CISD2: variants seen among roughly 807,000 people sequenced by gnomAD.
CISD2 encodes CDGSH iron sulfur domain 2.
A neutral mutation model predicts 12.9 loss-of-function variants in CISD2; 1 was observed. The ratio of observed to expected loss-of-function variants is 0.08; its 90% CI spans 0.03 to 0.37. CISD2 has a LOEUF of 0.37. Ranked by LOEUF, CISD2 falls within the 10% of genes least tolerant of loss-of-function variation. The pLI is 0.99. For synonymous variants in CISD2, 50 were observed against 60.6 expected, an observed-to-expected ratio of 0.83 and a Z score of 0.81; for missense variants, 97 against 163.1, an observed-to-expected ratio of 0.59 and a Z score of 2.21.
At position 102,887,436 on chromosome 4, in the gene CISD2, A is replaced by G; in HGVS notation, c.*6A>G. 1 of 925,302 alleles carries G rather than the reference A, an allele frequency of 1.1e-6. No homozygotes were observed. Among genetic ancestry groups the G allele is most frequent in the Non-Finnish European group, 1.7e-6 (1 of 574,920 alleles). 57.3% of individuals were successfully genotyped at this position (925,302 alleles called of 1,614,324 possible). A position where few individuals can be genotyped will look rare whatever the true frequency, so the allele number is the denominator to read the frequency against. On this transcript the variant is annotated 3_prime_UTR_variant, in exon 3 of 3. Coordinates refer to ENST00000273986, the MANE Select transcript of CISD2 (RefSeq NM_001008388.5). Reference sequence around the variant, plus strand: ...TGAAGAAGAAAGAAGTATAATAATAATAACAATATTTTCTCATTCTTTGTG... The same window carrying G: ...TGAAGAAGAAAGAAGTATAATAATAGTAACAATATTTTCTCATTCTTTGTG...
intron 1 of CISD2, among the ~76,000 whole-genome samples, chr4:102,877,552 A>G (rs1248225934): frequency 1.3e-5 from 2 of 152,118 alleles, no homozygotes; most frequent in Non-Finnish European, 2.9e-5. Flanking sequence ...TGTTAGATAT[A>G]CCATTCTGGG....
intron 1 of CISD2, among the ~76,000 whole-genome samples, chr4:102,879,755 G>C (rs1016650034): frequency 1.3e-4 from 20 of 152,046 alleles, no homozygotes; most frequent in Non-Finnish European, 2.8e-4. Context: ...TTGGGCGACA[G>C]AGCGAGACTC....
intron 1 of CISD2, among the ~76,000 whole-genome samples, chr4:102,870,207 G>A (rs1366964963): frequency 6.6e-6 from 1 of 152,184 alleles, no homozygotes; most frequent in African/African-American, 2.4e-5. Flanking sequence ...CAGCTGTCTG[G>A]TAGAAGAAAA....
chr4:102,878,014 C>T (rs1733630510), intron 1 of CISD2, among the ~76,000 whole-genome samples: 2 of 152,312 alleles, frequency 1.3e-5, no homozygotes, highest in African/African-American at 4.8e-5. Flanking sequence ...AGACCTCTGA[C>T]ATGTCCTGGA....
chr4:102,878,648 C>T lies in CISD2; in HGVS notation c.104-6568C>T, dbSNP rs78150662. Reference sequence around the variant, plus strand: ...AGTTCCTCATCTCCAGCTGAGACCACGTCAGCCTGGATGTTATTGTCCATA... The same window carrying T: ...AGTTCCTCATCTCCAGCTGAGACCATGTCAGCCTGGATGTTATTGTCCATA... On this transcript the variant is annotated intron_variant, in intron 1 of 2. Coordinates refer to ENST00000273986, the MANE Select transcript of CISD2 (RefSeq NM_001008388.5). 4.3e-3 allele frequency among the ~76,000 whole-genome samples: 656 copies of T among 152,302 alleles called. 3 individuals carry two copies. The highest frequency in any genetic ancestry group is 0.012 in the African/African-American group (481 of 41,568).
Position 102,874,957 on chromosome 4 carries a change from T to G in CISD2, c.103+5770T>G, listed in dbSNP as rs553338605. Among the ~76,000 whole-genome samples, 4 of 152,366 alleles carry G rather than the reference T, an allele frequency of 2.6e-5. No homozygotes were observed. In the South Asian group the frequency reaches 8.3e-4, roughly 32 times the overall value. ...TCTTCCATCTGATACCAGAGTGACT[T>G]CATAGGTGAACAATTTCCTAGTTAG... On this transcript the variant is annotated intron_variant, in intron 1 of 2. Coordinates refer to ENST00000273986, the MANE Select transcript of CISD2 (RefSeq NM_001008388.5).
intron 1 of CISD2, among the ~76,000 whole-genome samples, chr4:102,884,880 A>G (rs963951358): frequency 2.6e-5 from 4 of 152,244 alleles, no homozygotes; most frequent in Non-Finnish European, 4.4e-5. Context: ...TAAAATATAC[A>G]TTGAATTTTG....
intron 1 of CISD2, among the ~76,000 whole-genome samples, chr4:102,879,995 T>G (rs1733677853): frequency 6.6e-6 from 1 of 152,018 alleles, no homozygotes. Flanking sequence ...CAGGCTGGAG[T>G]GCAGTGGTGA....
At chr4:102,880,199 C>T (rs1048882360) in intron 1 of CISD2, among the ~76,000 whole-genome samples, 29 of 152,304 alleles carry the variant, frequency 1.9e-4, no homozygotes, top group African/African-American at 7.0e-4. Flanking sequence ...CCACCTCAGC[C>T]TCCCTTAGTG....
At chr4:102,869,886 C>T (rs564228296) in intron 1 of CISD2, among the ~76,000 whole-genome samples, 1 of 152,282 alleles carries the variant, frequency 6.6e-6, no homozygotes, top group East Asian at 1.9e-4. Context: ...ATGTAACGTT[C>T]TATACTTAAG....
chr4:102,874,265 G>T (rs1733539798), intron 1 of CISD2, among the ~76,000 whole-genome samples: 1 of 152,056 alleles, frequency 6.6e-6, no homozygotes, highest in African/African-American at 2.4e-5. Flanking sequence ...TCTTACAACT[G>T]GGAGCTAAAC....
intron 1 of CISD2, among the ~76,000 whole-genome samples, chr4:102,873,571 G>A (rs563235261): frequency 6.6e-6 from 1 of 152,038 alleles, no homozygotes; most frequent in South Asian, 2.1e-4. Context: ...CACTGTGAGT[G>A]GCCTAGATTT....
chr4:102,871,703 C>T (rs1193640124), intron 1 of CISD2, among the ~76,000 whole-genome samples: 1 of 152,060 alleles, frequency 6.6e-6, no homozygotes, highest in African/African-American at 2.4e-5. Flanking sequence ...TTGTAGAATC[C>T]ATAATGTACA....
chr4:102,884,299 T>A (rs1052632997), intron 1 of CISD2, among the ~76,000 whole-genome samples: 3 of 152,254 alleles, frequency 2.0e-5, no homozygotes, highest in Non-Finnish European at 4.4e-5. Flanking sequence ...TAGCATAACC[T>A]GTTCATTTAT....
intron 1 of CISD2, among the ~76,000 whole-genome samples, chr4:102,881,160 C>A (rs1733711860): frequency 6.6e-6 from 1 of 151,794 alleles, no homozygotes. Context: ...TGTATTTTAT[C>A]TTTCTTCATA....
rs1734242762 is a variant in CISD2, at chr4:102,891,395, A to G, written c.*3965A>G. 6.6e-6 allele frequency: 1 copy of G among 152,228 alleles called. No individual in the cohort carries two copies. Among genetic ancestry groups the G allele is most frequent in the Admixed American group, 6.5e-5 (1 of 15,280 alleles). The allele number at this position is 152,228 out of a possible 1,614,324, so 9.4% of individuals were successfully genotyped here. ...GAACAAAAATAAATTTAAGGTGAAC[A>G]TTAAAGGCATAGCAGCTTGAGACAA... On this transcript the variant is annotated 3_prime_UTR_variant, in exon 3 of 3. Coordinates refer to ENST00000273986, the MANE Select transcript of CISD2 (RefSeq NM_001008388.5).
chr4:102,876,984 T>G (rs1385408486), intron 1 of CISD2, among the ~76,000 whole-genome samples: 1 of 152,100 alleles, frequency 6.6e-6, no homozygotes, highest in Admixed American at 6.5e-5. Flanking sequence ...ACTCCCATGA[T>G]CCAATCACCT....
In CISD2 at chr4:102,891,529, A is replaced by G. The variant is rs1369333529; in HGVS notation, c.*4099A>G. 6.6e-6 allele frequency: 1 copy of G among 152,230 alleles called. No individual in the cohort carries two copies. The highest frequency in any genetic ancestry group is 1.5e-5 in the Non-Finnish European group (1 of 68,048). 9.4% of individuals were successfully genotyped at this position (152,230 alleles called of 1,614,324 possible). A position where few individuals can be genotyped will look rare whatever the true frequency, so the allele number is the denominator to read the frequency against. On this transcript the variant is annotated 3_prime_UTR_variant, in exon 3 of 3. Coordinates refer to ENST00000273986, the MANE Select transcript of CISD2 (RefSeq NM_001008388.5). Reference sequence around the variant, plus strand: ...CAAGATAAGTAGTATGTGTTATTCAAAAAGGCAGGATATGTGTTGCATTTG... The same window carrying G: ...CAAGATAAGTAGTATGTGTTATTCAGAAAGGCAGGATATGTGTTGCATTTG...
intron 1 of CISD2, among the ~76,000 whole-genome samples, chr4:102,870,768 T>C (rs994103103): frequency 3.3e-5 from 5 of 152,226 alleles, no homozygotes; most frequent in Admixed American, 6.5e-5. Context: ...TTAAGTACTT[T>C]ACATATTTTA....
Sources: gnomAD v4.1 joint callset for allele counts (sites outside exome capture counted in the v4.1 genomes callset) on GRCh38, gnomAD v4.1.1 for gene constraint, MANE v1.5 for transcripts, NCBI Gene and HGNC (gene_info 2026-07-23, HGNC 2026-07-21) for gene names.